Variants in MOSMO observed in about 807,000 individuals in gnomAD.
MOSMO encodes the protein modulator of smoothened protein.
Under a neutral mutation model 18.4 loss-of-function variants are expected in MOSMO, and 5 were observed. That is an observed-to-expected ratio of 0.27 (90% CI 0.14 to 0.57). MOSMO has a LOEUF of 0.57. Ranked by LOEUF, MOSMO falls within the 20% of genes least tolerant of loss-of-function variation. The pLI, the probability that MOSMO is intolerant of heterozygous loss-of-function variation, is 0.92. For missense variants in MOSMO, 138 were observed against 211.8 expected, an observed-to-expected ratio of 0.65 and a Z score of 2.16; for synonymous variants, 82 against 82.3, an observed-to-expected ratio of 1.00 and a Z score of 0.02.
chr16:22,008,197 G>T lies in MOSMO; in HGVS notation c.-105G>T. 1 of 392,116 alleles carries T rather than the reference G, an allele frequency of 2.6e-6. No homozygotes were observed. The highest frequency in any genetic ancestry group is 3.8e-6 in the Non-Finnish European group (1 of 260,906). 24.3% of individuals were successfully genotyped at this position (392,116 alleles called of 1,614,324 possible). On this transcript the variant is annotated 5_prime_UTR_variant, in exon 1 of 3. The change creates a new upstream start codon in the 5' untranslated region. Transcript: ENST00000542527. ...GCGCGCGGGGGCCGAGGGGGCGCGA[G>T]GCAGCGGCGCGGGGACTCCGGGCCC... is the stretch of plus-strand genomic sequence containing the variant.
At chr16:22,050,954 G>T (rs192592530) in intron 1 of MOSMO, among the ~76,000 whole-genome samples, 107 of 151,354 alleles carry the variant, frequency 7.1e-4, no homozygotes, top group African/African-American at 2.5e-3. Flanking sequence ...AACTCAAACT[G>T]AGAGTTCATT....
intron 1 of MOSMO, among the ~76,000 whole-genome samples, chr16:22,047,010 C>T (rs1900321355): frequency 6.6e-6 from 1 of 152,052 alleles, no homozygotes; most frequent in South Asian, 2.1e-4. Context: ...TCGCTCATCC[C>T]TACCTTTTTC....
At chr16:22,029,155 C>T (rs1221028253) in intron 1 of MOSMO, among the ~76,000 whole-genome samples, 1 of 152,160 alleles carries the variant, frequency 6.6e-6, no homozygotes, top group African/African-American at 2.4e-5. Context: ...CAGGTGTGAG[C>T]CACCACGCCT....
chr16:22,047,731 G>A (rs895878951), intron 1 of MOSMO, among the ~76,000 whole-genome samples: 5 of 152,174 alleles, frequency 3.3e-5, no homozygotes, highest in Admixed American at 6.6e-5. Context: ...TCCTTAGAAA[G>A]GCAGTTGTGT....
intron 1 of MOSMO, among the ~76,000 whole-genome samples, chr16:22,066,413 TG>T (rs1900749604): frequency 6.6e-6 from 1 of 152,156 alleles, no homozygotes; most frequent in African/African-American, 2.4e-5. Context: ...AACTTATTTC[TG>T]GGAACCTGAA....
intron 1 of MOSMO, among the ~76,000 whole-genome samples, chr16:22,043,008 G>T (rs1900239289): frequency 6.6e-6 from 1 of 152,108 alleles, no homozygotes; most frequent in African/African-American, 2.4e-5. Flanking sequence ...TGCTGCATTT[G>T]GTGGGATACT....
At chr16:22,026,676 G>A (rs912445372) in intron 1 of MOSMO, among the ~76,000 whole-genome samples, 6 of 152,090 alleles carry the variant, frequency 3.9e-5, no homozygotes, top group Non-Finnish European at 5.9e-5. Context: ...TTTACAAACT[G>A]GTTTTGGAAA....
chr16:22,088,407 T>C (rs1901228740), downstream of MOSMO, among the ~76,000 whole-genome samples: 1 of 152,178 alleles, frequency 6.6e-6, no homozygotes, highest in Non-Finnish European at 1.5e-5. Flanking sequence ...TTGATACATA[T>C]CAAATATGTG....
At chr16:22,032,411 C>T (rs908740407) in intron 1 of MOSMO, among the ~76,000 whole-genome samples, 2 of 152,006 alleles carry the variant, frequency 1.3e-5, no homozygotes, top group African/African-American at 2.4e-5. Flanking sequence ...AGGCTGGTCT[C>T]GAACTCCTGG....
rs34532029 is a variant in MOSMO, at chr16:22,050,887, G to GAAAAAAAAAA, written c.107-24591_107-24582dup. 1.3e-3 allele frequency among the ~76,000 whole-genome samples: 91 copies of GAAAAAAAAAA among 70,464 alleles called. 1 individual carries two copies. Among genetic ancestry groups the GAAAAAAAAAA allele is most frequent in the East Asian group, 2.3e-3 (5 of 2,200 alleles). 46.2% of individuals were successfully genotyped at this position (70,464 alleles called of 152,430 possible). A position where few individuals can be genotyped will look rare whatever the true frequency, so the allele number is the denominator to read the frequency against. The stretch of plus-strand genomic sequence containing the variant: ...GACAAAGTGAGACTCTGTCTCTTAA[G>GAAAAAAAAAA]AAAAAAAAAAAAAAAAAAGTGAATG... On this transcript the variant is annotated intron_variant, in intron 1 of 2. Transcript: ENST00000542527.
intron 1 of MOSMO, among the ~76,000 whole-genome samples, chr16:22,069,818 GAAAC>G (rs1399983178): frequency 1.3e-5 from 2 of 152,192 alleles, no homozygotes; most frequent in African/African-American, 2.4e-5. Context: ...AAGCAAGACA[GAAAC>G]AGAAAGCATG....
intron 1 of MOSMO, among the ~76,000 whole-genome samples, chr16:22,047,522 G>A (rs964023601): frequency 6.6e-6 from 1 of 152,048 alleles, no homozygotes; most frequent in Non-Finnish European, 1.5e-5. Flanking sequence ...GGGATTACAG[G>A]CTTGAGCCAC....
rs571820221 is a variant in MOSMO, at chr16:22,036,566, G to A, written c.106+28159G>A. On this transcript the variant is annotated intron_variant, in intron 1 of 2. Transcript: ENST00000542527. ...GTGCTCAAGTGATGCTCCTATCTCC[G>A]CCCCACGAGTAGCTCGGACTACAGG... Among the ~76,000 whole-genome samples the A allele has an allele frequency of 1.3e-3, 205 of 152,144 alleles. 1 individual carries two copies. Among genetic ancestry groups the A allele is most frequent in the Non-Finnish European group, 2.6e-3 (178 of 68,004 alleles).
At chr16:22,061,246 T>C (rs573480272) in intron 1 of MOSMO, among the ~76,000 whole-genome samples, 1 of 152,344 alleles carries the variant, frequency 6.6e-6, no homozygotes, top group East Asian at 1.9e-4. Flanking sequence ...CATTGAATTG[T>C]ACATTTTAAA....
chr16:22,079,054 T>G (rs1901028295), intron 2 of MOSMO, among the ~76,000 whole-genome samples: 1 of 152,224 alleles, frequency 6.6e-6, no homozygotes, highest in Non-Finnish European at 1.5e-5. Context: ...TGTTGTTTCT[T>G]AAGCTGATGT....
intron 1 of MOSMO, among the ~76,000 whole-genome samples, chr16:22,028,403 C>T (rs187953488): frequency 2.0e-5 from 3 of 148,834 alleles, no homozygotes; most frequent in Admixed American, 6.7e-5. Context: ...ATATGCATAA[C>T]GAAATTTACC....
intron 1 of MOSMO, among the ~76,000 whole-genome samples, chr16:22,064,865 T>G (rs1330549079): frequency 6.6e-6 from 1 of 152,214 alleles, no homozygotes; most frequent in African/African-American, 2.4e-5. Context: ...TAGGCTACTC[T>G]TGGCAGTATG....
intron 1 of MOSMO, among the ~76,000 whole-genome samples, chr16:22,045,592 AAAT>A (rs1900291764): frequency 1.3e-5 from 2 of 152,256 alleles, no homozygotes; most frequent in Non-Finnish European, 2.9e-5. Flanking sequence ...TGTTTTAAAA[AAAT>A]AATTGCATAG....
chr16:22,062,478 A>G (rs1013409170), intron 1 of MOSMO, among the ~76,000 whole-genome samples: 3 of 152,034 alleles, frequency 2.0e-5, no homozygotes, highest in Non-Finnish European at 4.4e-5. Context: ...GCACATCACG[A>G]TGCCCGGCTG....
Sources: gnomAD v4.1 joint callset for allele counts (sites outside exome capture counted in the v4.1 genomes callset) on GRCh38, gnomAD v4.1.1 for gene constraint, MANE v1.5 for transcripts, NCBI Gene and HGNC (gene_info 2026-07-23, HGNC 2026-07-21) for gene names.